The following UNC80 variants were observed in gnomAD, a reference collection of about 807,000 sequenced individuals.
UNC80 encodes protein unc-80 homolog.
Under a neutral mutation model 384.6 loss-of-function variants are expected in UNC80, and 164 were observed. The observed-to-expected ratio is 0.43, with a 90% confidence interval of 0.38 to 0.49. The LOEUF (loss-of-function observed/expected upper bound fraction) is 0.49. UNC80 is among the 20% of genes least tolerant of loss of function. UNC80 has a pLI of 0.00. For synonymous variants in UNC80, 1,486 were observed against 1,527.8 expected (o/e 0.97, Z 0.64); for missense variants, 3,330 against 4,143.0 (o/e 0.80, Z 5.39).
At chr2:209,873,060 T>A in intron 23 of UNC80, 90 bp downstream of exon 23, 1 of 1,236,172 alleles carries the variant, frequency 8.1e-7, no homozygotes, top group Non-Finnish European at 1.1e-6. Flanking sequence ...TGAAGACAAT[T>A]TATTGAGTGT....
intron 21 of UNC80, among the ~76,000 whole-genome samples, chr2:209,845,503 G>A (rs1285947104): frequency 6.6e-6 from 1 of 152,054 alleles, no homozygotes; most frequent in Non-Finnish European, 1.5e-5. Context: ...ACGGATTTTA[G>A]CCATTGCTTC....
intron 51 of UNC80, among the ~76,000 whole-genome samples, chr2:209,967,045 T>A (rs750675717): frequency 4.6e-5 from 7 of 151,998 alleles, no homozygotes; most frequent in Admixed American, 2.6e-4. Flanking sequence ...TTAAAGTTAG[T>A]TCTCTTTTAT....
Position 209,813,683 on chromosome 2 carries a change from A to G in UNC80, c.1042A>G (p.Thr348Ala). ...TCAGCCCCATTGGTCTGAGGAAGGC[A>G]CTCAGTGGTCTCTGATGTACTATCT... ...LLQPHWSEEGTQWSLMYYLQR... is the reference protein window; with the variant it reads ...LLQPHWSEEGAQWSLMYYLQR... The change falls in exon 8 of 65, where the codon ACT becomes GCT. Residue 348 changes from threonine (T) to alanine (A), a missense_variant. By Grantham distance (58) the Thr-to-Ala change is moderately conservative. Coordinates refer to ENST00000673920, the MANE Select transcript of UNC80 (RefSeq NM_001371986.1). The G allele has an allele frequency of 6.4e-7, 1 of 1,551,768 alleles. No individual in the cohort carries two copies. Among genetic ancestry groups the G allele is most frequent in the Non-Finnish European group, 8.7e-7 (1 of 1,147,028 alleles).
chr2:209,935,775 C>G lies in UNC80; in HGVS notation c.6240C>G (p.Val2080=). 2.6e-6 allele frequency: 4 copies of G among 1,540,838 alleles called. No individual in the cohort carries two copies. The highest frequency in any genetic ancestry group is 1.4e-5 in the African/African-American group (1 of 72,452). Residue 2080 remains valine, a synonymous_variant, in exon 40 of 65, where the codon GTC becomes GTG. Transcript: ENST00000673920. The part of the protein sequence containing the change: ...NECDIPTQLP[V]HEDTQFEALL... ...GCGATATCCCAACCCAGTTACCAGT[C>G]CATGAAGACACTCAATTTGAAGCCC...
chr2:209,861,641 T>A (rs1162563994), intron 22 of UNC80, among the ~76,000 whole-genome samples: 1 of 152,238 alleles, frequency 6.6e-6, no homozygotes, highest in African/African-American at 2.4e-5. Context: ...CTGGTAGAAT[T>A]CAGCTGTGAA....
At chr2:209,932,810 T>C (rs929856226) in intron 38 of UNC80, among the ~76,000 whole-genome samples, 8 of 152,210 alleles carry the variant, frequency 5.3e-5, no homozygotes, top group Non-Finnish European at 1.2e-4. Flanking sequence ...ATGTTATTAG[T>C]AGTTTTAAGA....
intron 7 of UNC80, among the ~76,000 whole-genome samples, chr2:209,803,765 C>T (rs1023418097): frequency 2.0e-5 from 3 of 152,124 alleles, no homozygotes; most frequent in South Asian, 4.1e-4. Context: ...CAGGGTCTCA[C>T]TCTGCCACTG....
At chr2:209,868,640 T>C (rs189787599) in intron 22 of UNC80, among the ~76,000 whole-genome samples, 38 of 152,306 alleles carry the variant, frequency 2.5e-4, no homozygotes, top group African/African-American at 8.4e-4. Flanking sequence ...TCAAGGAAAG[T>C]AGCCAGACTC....
chr2:209,926,890 C>A lies in UNC80; in HGVS notation c.5710C>A (p.Pro1904Thr), dbSNP rs1192542436. 6.4e-7 allele frequency: 1 copy of A among 1,552,212 alleles called. No homozygotes were observed. Among genetic ancestry groups the A allele is most frequent in the South Asian group, 1.2e-5 (1 of 84,056 alleles). The part of the protein sequence containing the change: ...EHTPNHHVPQ[P>T]PQAVFPACIC... ...CACGCCGAACCACCATGTGCCTCAGCCCCCACAAGCAGTGTTCCCAGCATG... is the reference window on the plus strand; with the variant it reads ...CACGCCGAACCACCATGTGCCTCAGACCCCACAAGCAGTGTTCCCAGCATG... Residue 1904 changes from proline to threonine, a missense_variant, in exon 36 of 65, where the codon CCC (proline) becomes ACC (threonine). Coordinates refer to ENST00000673920, the MANE Select transcript of UNC80 (RefSeq NM_001371986.1).
At chr2:209,936,227 G>A (rs1163119646) in intron 40 of UNC80, among the ~76,000 whole-genome samples, 2 of 152,154 alleles carry the variant, frequency 1.3e-5, no homozygotes, top group Non-Finnish European at 1.5e-5. Context: ...ATGAATGGTA[G>A]GATAGCAGGA....
Position 209,933,303 on chromosome 2 carries a change from T to C in UNC80, c.5995-519T>C, listed in dbSNP as rs564062689. Among the ~76,000 whole-genome samples the C allele has an allele frequency of 7.9e-5, 12 of 152,038 alleles. No individual in the cohort carries two copies. In the South Asian group the frequency reaches 1.7e-3, roughly 21 times the overall value. The stretch of plus-strand genomic sequence containing the variant: ...TATGCAAACAACCCAGCTGATAAAA[T>C]AATGTAAGGTTTGTCACAACAAACC... On this transcript the variant is annotated intron_variant, in intron 38 of 64. Coordinates refer to ENST00000673920, the MANE Select transcript of UNC80 (RefSeq NM_001371986.1).
chr2:209,982,119 T>C, intron 59 of UNC80, 60 bp from the exon 60 acceptor site: 3 of 1,502,954 alleles, frequency 2.0e-6, no homozygotes, highest in Non-Finnish European at 2.7e-6. Flanking sequence ...ACAGCTTTGG[T>C]TGGGTTTTTC....
At chr2:209,808,524 TAAAA>T (rs535979983) in intron 7 of UNC80, among the ~76,000 whole-genome samples, 3 of 120,768 alleles carry the variant, frequency 2.5e-5, no homozygotes. Flanking sequence ...ATCGCGCCAC[TAAAA>T]AAAAAAAAAA....
Position 209,970,910 on chromosome 2 carries a change from C to A in UNC80, c.8209C>A (p.Leu2737Met). The A allele has an allele frequency of 6.4e-7, 1 of 1,551,974 alleles. No individual in the cohort carries two copies. The highest frequency in any genetic ancestry group is 8.7e-7 in the Non-Finnish European group (1 of 1,147,032). ...LHLSPYLSPP[L>M]PFSTAVVRLV... is the part of the protein sequence containing the mutation. ...TCTCAGCCCTTATCTCTCACCACCT[C>A]TGCCCTTCAGCACAGCTGTTGTCCG... Residue 2737 changes from leucine to methionine, a missense_variant, in exon 54 of 65, where the codon CTG (leucine) becomes ATG (methionine). Physicochemically the swap from Leu to Met is conservative, Grantham distance 15 (BLOSUM62 2). Around this residue, in one of 8 missense-constraint regions of UNC80, gnomAD observed 1,049 missense variants for 1,488.6 expected, o/e 0.70. Transcript: ENST00000673920.
chr2:209,798,649 C>CTTTATT (rs2078325026), intron 7 of UNC80, among the ~76,000 whole-genome samples: 1 of 150,638 alleles, frequency 6.6e-6, no homozygotes, highest in Non-Finnish European at 1.5e-5. Flanking sequence ...TACGGCTCTC[C>CTTTATT]TTTATTTTTA....
In UNC80 at chr2:209,976,362, A is replaced by G; in HGVS notation, c.8772+59A>G. On this transcript the variant is annotated intron_variant, in intron 57 of 64. Transcript: ENST00000673920. The surrounding 1 kb of genome is among the most constrained non-coding windows in gnomAD (Gnocchi z 4.3). ...AGCTCAAATGAATGTGTGGCTCTCT[A>G]CTGAGGCAGGAATATGGCAGGAGTG... 2 of 1,548,654 alleles carry G rather than the reference A, an allele frequency of 1.3e-6. No homozygotes were observed. The highest frequency in any genetic ancestry group is 1.2e-5 in the South Asian group (1 of 83,804).
chr2:209,859,070 A>AT (rs1265857987), intron 22 of UNC80, among the ~76,000 whole-genome samples: 1 of 151,958 alleles, frequency 6.6e-6, no homozygotes, highest in Admixed American at 6.6e-5. Context: ...TTTTTTTTAA[A>AT]TTTTTTTCTA....
At chr2:209,908,087 C>T (rs1269183252) in intron 29 of UNC80, among the ~76,000 whole-genome samples, 2 of 152,238 alleles carry the variant, frequency 1.3e-5, no homozygotes, top group African/African-American at 2.4e-5. Flanking sequence ...TCCACAAGCT[C>T]TTTGCTTTCT....
At chr2:209,816,400 A>G (rs1254465870) in intron 9 of UNC80, among the ~76,000 whole-genome samples, 1 of 152,210 alleles carries the variant, frequency 6.6e-6, no homozygotes, top group Admixed American at 6.5e-5. Flanking sequence ...TCTTACGAAC[A>G]GTGGCGCACA....
Sources: allele counts gnomAD v4.1 joint callset (sites outside exome capture counted in the v4.1 genomes callset), GRCh38; gene constraint gnomAD v4.1.1; regional missense constraint gnomAD v4.1.1; non-coding constraint Gnocchi (gnomAD v3.1); transcripts MANE v1.5; gene names NCBI Gene and HGNC (gene_info 2026-07-23, HGNC 2026-07-21).